Variants in UHRF1 observed in about 807,000 individuals in gnomAD.
UHRF1 encodes the protein ubiquitin like with PHD and ring finger domains 1.
Under a neutral mutation model 96.5 loss-of-function variants are expected in UHRF1, and 9 were observed. The observed-to-expected ratio is 0.09, with a 90% confidence interval of 0.06 to 0.16. UHRF1 has a LOEUF of 0.16. UHRF1 is among the 10% of genes least tolerant of loss of function. The pLI is 1.00. For missense variants in UHRF1, 626 were observed against 1,131.1 expected, an observed-to-expected ratio of 0.55 and a Z score of 6.40; for synonymous variants, 455 against 469.9, an observed-to-expected ratio of 0.97 and a Z score of 0.41.
At chr19:4,946,076 C>T (rs181957447) in intron 10 of UHRF1, 111 bp downstream of exon 10, 97 of 796,966 alleles carry the variant, frequency 1.2e-4, no homozygotes, top group Admixed American at 8.7e-4. Flanking sequence ...GCTTGGTTCC[C>T]GGTGGCGTGA....
At chr19:4,942,930 C>A (rs748094757) in intron 7 of UHRF1, among the ~76,000 whole-genome samples, 8 of 150,284 alleles carry the variant, frequency 5.3e-5, no homozygotes, top group Non-Finnish European at 1.0e-4. Flanking sequence ...GGAAGTGAGA[C>A]CCTATTTCTT....
Position 4,954,746 on chromosome 19 carries a change from G to A in UHRF1, c.2054G>A (p.Arg685Lys), listed in dbSNP as rs62621801. 8,174 of 1,613,862 alleles carry A rather than the reference G, an allele frequency of 5.1e-3. 42 individuals carry two copies. Among genetic ancestry groups the A allele is most frequent in the Middle Eastern group, 0.014 (82 of 6,062 alleles). The change falls in exon 15 of 17, where the codon AGA becomes AAA. Residue 685 changes from arginine to lysine, a missense_variant. Physicochemically the swap from Arg to Lys is conservative, Grantham distance 26. Transcript: ENST00000650932. This position sits in a 1 kb window ranked among gnomAD's most constrained non-coding sequence, Gnocchi z 5.9. ...ACGGCCCAGCAGAGCAGCCTCATCA[G>A]AGAGGACAAGAGCAACGCCAAGCTG... Reference protein sequence around the residue: ...SLTAQQSSLIREDKSNAKLWN... With the variant: ...SLTAQQSSLIKEDKSNAKLWN...
At chr19:4,914,876 G>T (rs766692698) in intron 2 of UHRF1, among the ~76,000 whole-genome samples, 2 of 152,102 alleles carry the variant, frequency 1.3e-5, no homozygotes, top group Non-Finnish European at 2.9e-5. Context: ...AGGGCGGAGT[G>T]AGCCCTGTGC....
rs536571192 is a variant in UHRF1 at position 4,910,583 on chromosome 19, C to T, written c.-10-293C>T. 3 of 317,166 alleles carry T rather than the reference C, an allele frequency of 9.5e-6. No homozygotes were observed. The East Asian group carries it at 1.4e-4, about 15-fold the overall frequency. 19.6% of individuals were successfully genotyped at this position (317,166 alleles called of 1,614,324 possible). ...ACTTGGCCCGGGCCTCCTTTCTCCTCTGGTCGTGGGGAAGGAGGGATGGGT... is the reference window on the plus strand; with the variant it reads ...ACTTGGCCCGGGCCTCCTTTCTCCTTTGGTCGTGGGGAAGGAGGGATGGGT... On this transcript the variant is annotated intron_variant, in intron 1 of 16. Coordinates refer to ENST00000650932, the MANE Select transcript of UHRF1 (RefSeq NM_001048201.3).
At chr19:4,946,187 C>A (rs975213742) in intron 10 of UHRF1, among the ~76,000 whole-genome samples, 1 of 144,692 alleles carries the variant, frequency 6.9e-6, no homozygotes, top group Non-Finnish European at 1.5e-5. Flanking sequence ...TCACTCCCCA[C>A]CCCCTCCCAG....
At chr19:4,906,230 C>G (rs568459858), upstream of UHRF1, among the ~76,000 whole-genome samples, 1 of 152,122 alleles carries the variant, frequency 6.6e-6, no homozygotes, top group African/African-American at 2.4e-5. Context: ...CAGCCTTCCT[C>G]GGCCTCTCAA....
rs183583470 is a variant in UHRF1 at position 4,939,200 on chromosome 19, G to A, written c.786-2328G>A. Among the ~76,000 whole-genome samples the A allele has an allele frequency of 1.3e-4, 19 of 148,252 alleles. No homozygotes were observed. In the East Asian group the frequency reaches 3.8e-3, roughly 30 times the overall value. On this transcript the variant is annotated intron_variant, in intron 5 of 16. Transcript: ENST00000650932. ...CCCAAAGTGCTAGGATTACAGGCAT[G>A]AGCCACTGCACCCGGCCATTTTTTT...
intron 2 of UHRF1, among the ~76,000 whole-genome samples, chr19:4,920,854 G>A (rs1047989558): frequency 1.6e-4 from 24 of 152,166 alleles, no homozygotes; most frequent in African/African-American, 5.5e-4. Flanking sequence ...GGCCACGCGC[G>A]GTGGCTCACA....
intron 5 of UHRF1, among the ~76,000 whole-genome samples, chr19:4,939,887 G>T (rs1461866576): frequency 6.6e-6 from 1 of 152,102 alleles, no homozygotes; most frequent in Non-Finnish European, 1.5e-5. Context: ...AGCCAGGCGT[G>T]GTGGCGGGTG....
chr19:4,954,383 C>T lies in UHRF1; in HGVS notation c.1852C>T (p.Arg618Ter). ...AGGCTACCTGGAAGCCCTGGCCAACCGAGAGCGAGAGAAGGAGAACAGCAA... is the reference window on the plus strand; with the variant it reads ...AGGCTACCTGGAAGCCCTGGCCAACTGAGAGCGAGAGAAGGAGAACAGCAA... ...PEGYLEALAN[R>*]EREKENSKRE... Residue 618 changes from arginine to a stop codon, truncating the protein, a stop_gained, in exon 14 of 17, where the codon CGA becomes TGA. Coordinates refer to ENST00000650932, the MANE Select transcript of UHRF1 (RefSeq NM_001048201.3). LOFTEE classifies it high-confidence loss of function. The surrounding 1 kb of genome is among the most constrained non-coding windows in gnomAD (Gnocchi z 5.9). The T allele has an allele frequency of 6.2e-7, 1 of 1,613,336 alleles. No homozygotes were observed. Among genetic ancestry groups the T allele is most frequent in the Non-Finnish European group, 8.5e-7 (1 of 1,179,768 alleles).
At chr19:4,939,763 G>A (rs1333017549) in intron 5 of UHRF1, among the ~76,000 whole-genome samples, 1 of 152,166 alleles carries the variant, frequency 6.6e-6, no homozygotes, top group East Asian at 1.9e-4. Context: ...AGTGGCTCAT[G>A]CCTGTAATCC....
At chr19:4,912,143 C>T (rs796095470) in intron 2 of UHRF1, among the ~76,000 whole-genome samples, 25 of 152,276 alleles carry the variant, frequency 1.6e-4, no homozygotes, top group African/African-American at 5.5e-4. Flanking sequence ...TCTTAAGAAT[C>T]TGAGTTAACC....
chr19:4,941,985 CAGAGGGGCACTGAGGAGATACAGG>C (rs992898773), intron 7 of UHRF1, 54 bp downstream of exon 7: 1 of 1,427,634 alleles, frequency 7.0e-7, no homozygotes. Flanking sequence ...TACAAATCCC[CAGAGGGGCACTGAGGAGATACAGG>C]AGAGGGGCAG....
chr19:4,937,412 AG>A (rs1306456709), intron 5 of UHRF1, among the ~76,000 whole-genome samples: 3 of 150,144 alleles, frequency 2.0e-5, no homozygotes, highest in Non-Finnish European at 4.4e-5. Flanking sequence ...CCCAGGCTGG[AG>A]TGCGGTGATG....
intron 2 of UHRF1, among the ~76,000 whole-genome samples, chr19:4,911,812 G>C (rs567345807): frequency 1.3e-5 from 2 of 152,306 alleles, no homozygotes; most frequent in African/African-American, 4.8e-5. Flanking sequence ...GGCAGGATGA[G>C]ACAGTGTGAT....
intron 2 of UHRF1, among the ~76,000 whole-genome samples, chr19:4,914,773 C>T (rs898286132): frequency 4.6e-5 from 7 of 152,046 alleles, no homozygotes; most frequent in Non-Finnish European, 7.3e-5. Flanking sequence ...CCCTGGCCCG[C>T]GACTCGCCAG....
At chr19:4,909,104 C>G (rs1289526238), upstream of UHRF1, 1 of 186,856 alleles carries the variant, frequency 5.4e-6, no homozygotes, top group Non-Finnish European at 1.1e-5. Context: ...AGGGGCCCCC[C>G]ACATTCCCTC....
chr19:4,946,475 C>T (rs531718945), intron 10 of UHRF1, among the ~76,000 whole-genome samples: 2 of 152,252 alleles, frequency 1.3e-5, no homozygotes, highest in Admixed American at 6.5e-5. Context: ...AGATCTGCTA[C>T]GAACACGGCT....
Position 4,957,386 on chromosome 19 carries a change from G to T in UHRF1, c.2235+573G>T, listed in dbSNP as rs1289553622. Among the ~76,000 whole-genome samples the T allele has an allele frequency of 3.7e-5, 5 of 133,650 alleles. No individual in the cohort carries two copies. The East Asian group carries it at 1.2e-3, about 32-fold the overall frequency. 87.7% of individuals were successfully genotyped at this position (133,650 alleles called of 152,430 possible). A position where few individuals can be genotyped will look rare whatever the true frequency, so the allele number is the denominator to read the frequency against. Reference sequence around the variant, plus strand: ...TGCAGTGGCGCAGTCTCCACTCACTGCAAGCTCTGCCTCCCGGGTTCACGC... The same window carrying T: ...TGCAGTGGCGCAGTCTCCACTCACTTCAAGCTCTGCCTCCCGGGTTCACGC... On this transcript the variant is annotated intron_variant, in intron 16 of 16. Coordinates refer to ENST00000650932, the MANE Select transcript of UHRF1 (RefSeq NM_001048201.3).
Sources: gnomAD v4.1 joint callset for allele counts (sites outside exome capture counted in the v4.1 genomes callset) on GRCh38, gnomAD v4.1.1 for gene constraint, Gnocchi (gnomAD v3.1) non-coding constraint, MANE v1.5 for transcripts, NCBI Gene and HGNC (gene_info 2026-07-23, HGNC 2026-07-21) for gene names.